ADCY7: variants seen among roughly 807,000 people sequenced by gnomAD.
ADCY7 encodes the protein adenylate cyclase type 7.
A neutral mutation model predicts 120.6 loss-of-function variants in ADCY7; 72 were observed. The observed-to-expected ratio is 0.60, with a 90% CI of 0.49 to 0.73. The LOEUF (loss-of-function observed/expected upper bound fraction) is 0.73, where lower values mean the gene tolerates loss of function less well. Among genes scored for constraint, ADCY7 ranks in the 30% least tolerant of loss-of-function variants. ADCY7 has a pLI of 0.00. For synonymous variants in ADCY7, 661 were observed against 628.0 expected (o/e 1.05, Z -0.78); for missense variants, 1,227 against 1,486.0 (o/e 0.83, Z 2.87).
In ADCY7 at chr16:50,317,619, T is replaced by TAATA. The variant is rs1365628491; in HGVS notation, c.*2115_*2118dup. 1 of 152,354 alleles carries TAATA rather than the reference T, an allele frequency of 6.6e-6. No homozygotes were observed. The highest frequency in any genetic ancestry group is 1.9e-4 in the East Asian group (1 of 5,340). The allele number at this position is 152,354 out of a possible 1,614,324, so 9.4% of individuals were successfully genotyped here. A position where few individuals can be genotyped will look rare whatever the true frequency, so the allele number is the denominator to read the frequency against. ...AAAGCACTGTGCTGTGCTCAGATAA[T>TAATA]AATAGTTTGTAAGTAAAAGTTTTTA... is the stretch of plus-strand genomic sequence containing the variant. On this transcript the variant is annotated 3_prime_UTR_variant, in exon 26 of 26. Transcript: ENST00000673801.
chr16:50,293,289 C>G, intron 5 of ADCY7, 65 bp from the exon 6 acceptor site: 1 of 1,568,786 alleles, frequency 6.4e-7, no homozygotes, highest in Admixed American at 1.7e-5. Context: ...CCCTGCCTGT[C>G]CCCCGCTGGT....
At chr16:50,308,858 C>A in intron 17 of ADCY7, 66 bp downstream of exon 17, 1 of 1,521,796 alleles carries the variant, frequency 6.6e-7, no homozygotes, top group Non-Finnish European at 8.8e-7. Context: ...GGGACGCCTA[C>A]AATGTGGCCT....
chr16:50,280,301 A>G (rs2034171501), intron 1 of ADCY7, among the ~76,000 whole-genome samples: 1 of 149,302 alleles, frequency 6.7e-6, no homozygotes, highest in Non-Finnish European at 1.5e-5. Flanking sequence ...AGTCATTTCT[A>G]ATTGTGTTTA....
intron 22 of ADCY7, 161 bp downstream of exon 22, chr16:50,313,197 A>C (rs1474549918): frequency 6.6e-6 from 6 of 913,646 alleles, no homozygotes; most frequent in African/African-American, 5.1e-5. Flanking sequence ...TGGGTGGATC[A>C]CTTGAGGCTA....
chr16:50,254,717 C>A (rs2032859099), intron 1 of ADCY7, among the ~76,000 whole-genome samples: 1 of 152,140 alleles, frequency 6.6e-6, no homozygotes, highest in African/African-American at 2.4e-5. Context: ...TTCAATGCAG[C>A]CTTTGTCAAC....
At position 50,301,124 on chromosome 16, in the gene ADCY7, G is replaced by T; in HGVS notation, c.1278G>T (p.Lys426Asn). ...ITEATLKHLD[K>N]AYEVEDGHGQ... is the part of the protein sequence containing the mutation. ...AGGCCACGCTAAAGCACCTGGACAA[G>T]GCGTACGAGGTGGAGGATGGGCACG... The change falls in exon 10 of 26, where the codon AAG (lysine) becomes AAT (asparagine). Residue 426 changes from lysine (K) to asparagine (N), a missense_variant. Lys to Asn is a moderately conservative substitution (Grantham distance 94). This residue lies in a region of ADCY7 where 332 missense variants were observed against 455.8 expected (regional missense o/e 0.73). Transcript: ENST00000673801. The T allele has an allele frequency of 6.2e-7, 1 of 1,614,016 alleles. No individual in the cohort carries two copies. Among genetic ancestry groups the T allele is most frequent in the Non-Finnish European group, 8.5e-7 (1 of 1,179,954 alleles).
chr16:50,252,282 A>G (rs1378287624), intron 1 of ADCY7, among the ~76,000 whole-genome samples: 1 of 152,132 alleles, frequency 6.6e-6, no homozygotes, highest in East Asian at 1.9e-4. Flanking sequence ...AGCAGGGCTG[A>G]GCTCTGCACA....
intron 14 of ADCY7, 107 bp downstream of exon 14, chr16:50,305,956 G>T (rs988580585): frequency 8.8e-7 from 1 of 1,133,770 alleles, no homozygotes; most frequent in Non-Finnish European, 1.3e-6. Context: ...GACCGGCTAG[G>T]GGAGGGGCAC....
At position 50,308,671 on chromosome 16, in the gene ADCY7, G is replaced by T; in HGVS notation, c.1940G>T (p.Cys647Phe). Reference protein sequence around the residue: ...GLCFATKFSRCCPARGTLCTI... With the variant: ...GLCFATKFSRFCPARGTLCTI... Reference sequence around the variant, plus strand: ...CTTGACCCTGTTACCCCACAGAGGTGCTGCCCAGCTCGGGGGACGCTCTGC... The same window carrying T: ...CTTGACCCTGTTACCCCACAGAGGTTCTGCCCAGCTCGGGGGACGCTCTGC... Residue 647 changes from cysteine to phenylalanine, a missense_variant, in exon 17 of 26, where the codon TGC becomes TTC. Physicochemically the swap from Cys to Phe is radical, Grantham distance 205 (BLOSUM62 -2). This residue lies in a region of ADCY7 where 267 missense variants were observed against 270.0 expected (regional missense o/e 0.99). Transcript: ENST00000673801. 1 of 1,611,830 alleles carries T rather than the reference G, an allele frequency of 6.2e-7. No homozygotes were observed.
chr16:50,300,619 T>C (rs1293472518), intron 8 of ADCY7, 96 bp from the exon 9 acceptor site: 13 of 1,434,456 alleles, frequency 9.1e-6, no homozygotes, highest in African/African-American at 7.0e-5. Flanking sequence ...GCCTGCCCTG[T>C]TCCCACATGC....
upstream of ADCY7, among the ~76,000 whole-genome samples, chr16:50,265,908 G>C (rs1359153077): frequency 6.6e-6 from 1 of 152,262 alleles, no homozygotes; most frequent in Non-Finnish European, 1.5e-5. Flanking sequence ...GGGAAACTGA[G>C]GCCTGGCATA....
chr16:50,292,948 C>T (rs1033781001), intron 5 of ADCY7, 123 bp downstream of exon 5: 42 of 1,272,992 alleles, frequency 3.3e-5, no homozygotes, highest in Non-Finnish European at 4.4e-5. Context: ...GCAGGTCTCA[C>T]CTCGGTGAGT....
In ADCY7 at chr16:50,260,144, C is replaced by T. The variant is rs72782116; in HGVS notation, c.-64+13941C>T. On this transcript the variant is annotated intron_variant, in intron 1 of 4. Transcript: ENST00000564044. ...CCCACGTAGGGTGAGCAGGAGGGGACGCTCACACGGCTGGCTGCACTGTGT... is the reference window on the plus strand; with the variant it reads ...CCCACGTAGGGTGAGCAGGAGGGGATGCTCACACGGCTGGCTGCACTGTGT... Among the ~76,000 whole-genome samples the T allele has an allele frequency of 9.5e-3, 1,441 of 152,304 alleles. 11 individuals carry two copies. Among genetic ancestry groups the T allele is most frequent in the Non-Finnish European group, 0.016 (1,084 of 68,024 alleles).
intron 8 of ADCY7, among the ~76,000 whole-genome samples, chr16:50,300,203 T>C (rs1424573913): frequency 4.6e-5 from 7 of 152,192 alleles, no homozygotes; most frequent in Admixed American, 4.6e-4. Flanking sequence ...CCCAAGTAGC[T>C]GGGACTACAG....
intron 22 of ADCY7, chr16:50,313,294 C>T (rs1229865622): frequency 1.7e-5 from 6 of 350,210 alleles, no homozygotes; most frequent in South Asian, 5.4e-5. Flanking sequence ...GGGGCGCACA[C>T]CTGTAATCCC....
chr16:50,272,569 G>A (rs549637418), intron 1 of ADCY7, among the ~76,000 whole-genome samples: 1 of 152,314 alleles, frequency 6.6e-6, no homozygotes, highest in South Asian at 2.1e-4. Flanking sequence ...CCTGGTGGGA[G>A]CTATGTTGGA....
intron 1 of ADCY7, among the ~76,000 whole-genome samples, chr16:50,251,927 G>C (rs2032769408): frequency 1.3e-5 from 2 of 152,230 alleles, no homozygotes; most frequent in Admixed American, 1.3e-4. Context: ...TGAGCACCTG[G>C]TGTGTGTGGG....
Position 50,315,841 on chromosome 16 carries a change from C to T in ADCY7, c.*336C>T, listed in dbSNP as rs2036775451. On this transcript the variant is annotated 3_prime_UTR_variant, in exon 26 of 26. Coordinates refer to ENST00000673801, the MANE Select transcript of ADCY7 (RefSeq NM_001114.5). ...AGGCAACTTTAGCACATGATGAAAA[C>T]AGACTTCCACCTCAGTGGCCTGTGG... 4.0e-6 allele frequency: 1 copy of T among 248,492 alleles called. No individual in the cohort carries two copies. The highest frequency in any genetic ancestry group is 2.2e-5 in the African/African-American group (1 of 45,448). 15.4% of individuals were successfully genotyped at this position (248,492 alleles called of 1,614,324 possible). A position where few individuals can be genotyped will look rare whatever the true frequency, so the allele number is the denominator to read the frequency against.
At chr16:50,301,940 ACAC>A (rs2151024734) in intron 10 of ADCY7, 1 of 152,946 alleles carries the variant, frequency 6.5e-6, no homozygotes, top group African/African-American at 2.4e-5. Context: ...GAGCCTCCCT[ACAC>A]ATCTGCTGGC....
Sources: allele counts gnomAD v4.1 joint callset (sites outside exome capture counted in the v4.1 genomes callset), GRCh38; gene constraint gnomAD v4.1.1; regional missense constraint gnomAD v4.1.1; transcripts MANE v1.5; gene names NCBI Gene and HGNC (gene_info 2026-07-23, HGNC 2026-07-21).